ULK2: variants seen among roughly 807,000 people sequenced by gnomAD.
The protein encoded by ULK2 is serine/threonine-protein kinase ULK2.
A neutral mutation model predicts 127.5 loss-of-function variants in ULK2; 76 were observed. The ratio of observed to expected loss-of-function variants is 0.60; its 90% confidence interval spans 0.50 to 0.72. The LOEUF is 0.72. ULK2 is among the 30% of genes least tolerant of loss of function. The pLI is 0.00. For missense variants in ULK2, 1,144 were observed against 1,295.9 expected, an observed-to-expected ratio of 0.88 and a Z score of 1.80; for synonymous variants, 452 against 461.9, an observed-to-expected ratio of 0.98 and a Z score of 0.28.
At chr17:19,799,972 G>T (rs1043671855) in intron 16 of ULK2, among the ~76,000 whole-genome samples, 5 of 152,218 alleles carry the variant, frequency 3.3e-5, no homozygotes, top group African/African-American at 1.2e-4. Flanking sequence ...TTCCCCCAGG[G>T]CTGTTCCCAG....
intron 17 of ULK2, among the ~76,000 whole-genome samples, chr17:19,798,478 G>A (rs1308081888): frequency 1.3e-5 from 2 of 152,092 alleles, no homozygotes; most frequent in African/African-American, 4.8e-5. Flanking sequence ...AAACTAGCAA[G>A]AATAATATAA....
rs534899028 is a variant in ULK2, at chr17:19,849,253, T to C, written c.295+116A>G. 29 of 870,550 alleles carry C rather than the reference T, an allele frequency of 3.3e-5. No individual in the cohort carries two copies. In the Admixed American group the frequency reaches 6.9e-4, roughly 21 times the overall value. The allele number at this position is 870,550 out of a possible 1,614,324, so 53.9% of individuals were successfully genotyped here. On this transcript the variant is annotated intron_variant, in intron 5 of 26. Transcript: ENST00000395544. Reference sequence around the variant, plus strand: ...CAAGTCAAACAAATACACAAATATTTATTGAATGTTTCTATACAAGAGCAG... The same window carrying C: ...CAAGTCAAACAAATACACAAATATTCATTGAATGTTTCTATACAAGAGCAG...
intron 14 of ULK2, among the ~76,000 whole-genome samples, chr17:19,806,866 ACAATCACATGTTATT>A (rs1425682246): frequency 6.6e-6 from 1 of 152,232 alleles, no homozygotes; most frequent in Non-Finnish European, 1.5e-5. Context: ...ACACAAAAGC[ACAATCACATGTTATT>A]CTATCTACTT....
chr17:19,798,987 C>T (rs2087335632), intron 17 of ULK2, among the ~76,000 whole-genome samples: 1 of 151,028 alleles, frequency 6.6e-6, no homozygotes, highest in African/African-American at 2.4e-5. Flanking sequence ...ATGGTGAAAC[C>T]CCGTCTCTAC....
rs773020474 is a variant in ULK2, at chr17:19,796,173, C to T, written c.1919G>A (p.Arg640Gln). Residue 640 changes from arginine to glutamine, a missense_variant, in exon 19 of 27, where the codon CGG becomes CAG. By Grantham distance (43) the Arg-to-Gln change is conservative. This residue lies in a region of ULK2 where 913 missense variants were observed against 970.5 expected (regional missense o/e 0.94). Transcript: ENST00000395544. ...EEQSKDGNEP[R>Q]ECAHCLLVQG... ...CACTAAGAGGCAATGGGCACATTCCCGTGGCTCATTCCCATCTTTCGACTG... is the reference window on the plus strand; with the variant it reads ...CACTAAGAGGCAATGGGCACATTCCTGTGGCTCATTCCCATCTTTCGACTG... The T allele has an allele frequency of 9.3e-6, 15 of 1,614,076 alleles. No individual in the cohort carries two copies. Among genetic ancestry groups the T allele is most frequent in the East Asian group, 6.7e-5 (3 of 44,896 alleles).
intron 21 of ULK2, 70 bp from the exon 22 acceptor site, chr17:19,783,975 T>C (rs1345806231): frequency 7.8e-7 from 1 of 1,274,222 alleles, no homozygotes; most frequent in Non-Finnish European, 1.0e-6. Flanking sequence ...TACTCTTATT[T>C]ACTAAACAAA....
At chr17:19,792,602 C>T (rs147416857) in intron 20 of ULK2, among the ~76,000 whole-genome samples, 8 of 152,310 alleles carry the variant, frequency 5.3e-5, no homozygotes, top group Admixed American at 4.6e-4. Context: ...TTTCAATATT[C>T]ACTAAGGTGA....
intron 12 of ULK2, among the ~76,000 whole-genome samples, chr17:19,817,228 A>C (rs2152390540): frequency 6.6e-6 from 1 of 152,338 alleles, no homozygotes; most frequent in African/African-American, 2.4e-5. Flanking sequence ...TCATCACAAC[A>C]TCCCCCGGTT....
At chr17:19,781,154 A>G in intron 23 of ULK2, 50 bp from the exon 24 acceptor site, 1 of 1,530,140 alleles carries the variant, frequency 6.5e-7, no homozygotes, top group South Asian at 1.1e-5. Context: ...CTAATGTAAG[A>G]TGTGGCACTC....
intron 15 of ULK2, among the ~76,000 whole-genome samples, chr17:19,803,499 C>T (rs542179249): frequency 5.3e-5 from 8 of 152,162 alleles, no homozygotes; most frequent in Non-Finnish European, 1.2e-4. Flanking sequence ...AAGCAAATAA[C>T]GTCTAATTTT....
In ULK2 at chr17:19,776,362, G is replaced by A. The variant is rs1275059470; in HGVS notation, c.3098C>T (p.Thr1033Ile). Residue 1033 changes from threonine (T) to isoleucine (I), a missense_variant, in exon 27 of 27, where the codon ACC becomes ATC. Around this residue, in one of 2 missense-constraint regions of ULK2, gnomAD observed 913 missense variants for 970.5 expected, o/e 0.94. Coordinates refer to ENST00000395544, the MANE Select transcript of ULK2 (RefSeq NM_014683.4). Reference protein sequence around the residue: ...ERRLSALCHSTATV With the variant: ...ERRLSALCHSIATV ...TGAGCCTGCTGCTCACACGGTTGCG[G>A]TGCTATGGCAGAGCGCCGACAGTCT... is the stretch of plus-strand genomic sequence containing the variant. 6.2e-7 allele frequency: 1 copy of A among 1,605,950 alleles called. No individual in the cohort carries two copies.
intron 14 of ULK2, among the ~76,000 whole-genome samples, chr17:19,808,346 A>C (rs1223412312): frequency 1.3e-5 from 2 of 152,216 alleles, no homozygotes; most frequent in Non-Finnish European, 2.9e-5. Context: ...ACATAGAGGG[A>C]AAGCTTAATA....
intron 3 of ULK2, among the ~76,000 whole-genome samples, chr17:19,860,206 A>G (rs1057159177): frequency 4.6e-5 from 7 of 152,196 alleles, no homozygotes; most frequent in Non-Finnish European, 7.3e-5. Context: ...TTTCTAATTT[A>G]CCATTCACAC....
chr17:19,832,920 C>T (rs1442822868), intron 10 of ULK2, among the ~76,000 whole-genome samples: 1 of 151,880 alleles, frequency 6.6e-6, no homozygotes, highest in Non-Finnish European at 1.5e-5. Flanking sequence ...GTCAGGAGTT[C>T]GTGACTAGCC....
chr17:19,867,311 C>T lies in ULK2; in HGVS notation c.90+17G>A, dbSNP rs762946329. 6 of 1,556,470 alleles carry T rather than the reference C, an allele frequency of 3.9e-6. No homozygotes were observed. Among genetic ancestry groups the T allele is most frequent in the Non-Finnish European group, 5.2e-6 (6 of 1,154,206 alleles). On this transcript the variant is annotated intron_variant, in intron 1 of 26. Coordinates refer to ENST00000395544, the MANE Select transcript of ULK2 (RefSeq NM_014683.4). Reference sequence around the variant, plus strand: ...GCCTGCCGCCCGGGGCCCGGCCTCGCCCCGGCCGGCGCTCACCTGGCGGTG... The same window carrying T: ...GCCTGCCGCCCGGGGCCCGGCCTCGTCCCGGCCGGCGCTCACCTGGCGGTG...
chr17:19,844,410 T>G (rs369311560), intron 7 of ULK2, among the ~76,000 whole-genome samples: 63 of 152,262 alleles, frequency 4.1e-4, no homozygotes, highest in African/African-American at 1.5e-3. Flanking sequence ...AGGCACGCCA[T>G]CACTACACCC....
In ULK2 at chr17:19,853,119, A is replaced by T. The variant is rs116108053; in HGVS notation, c.226-3345T>A. On this transcript the variant is annotated intron_variant, in intron 3 of 26. Transcript: ENST00000395544. ...GGTTTCTTTTTTATTTTAAAGTGAC[A>T]TTTTTTTAAATTTTTTTAATTTTTT... 7.7e-3 allele frequency among the ~76,000 whole-genome samples: 1,141 copies of T among 147,316 alleles called. 16 individuals are homozygous for T. Among genetic ancestry groups the T allele is most frequent in the African/African-American group, 0.027 (1,077 of 40,324 alleles).
At chr17:19,856,095 T>G (rs1162704569) in intron 3 of ULK2, 1 of 152,210 alleles carries the variant, frequency 6.6e-6, no homozygotes, top group Non-Finnish European at 1.5e-5. Context: ...CCTACGTATC[T>G]ACCCTGCCAA....
chr17:19,806,281 GT>G (rs939015802), intron 14 of ULK2, among the ~76,000 whole-genome samples: 3 of 149,776 alleles, frequency 2.0e-5, no homozygotes, highest in African/African-American at 7.3e-5. Flanking sequence ...AGTAAACAGA[GT>G]TTTTGAAGCA....
Sources: gnomAD v4.1 joint callset for allele counts (sites outside exome capture counted in the v4.1 genomes callset) on GRCh38, gnomAD v4.1.1 for gene constraint, gnomAD v4.1.1 regional missense constraint, MANE v1.5 for transcripts, NCBI Gene and HGNC (gene_info 2026-07-23, HGNC 2026-07-21) for gene names.